Variants in AFDN observed in about 807,000 individuals in gnomAD.
AFDN encodes the protein afadin, adherens junction formation factor.
Under a neutral mutation model 216.6 loss-of-function variants are expected in AFDN, and 68 were observed. The ratio of observed to expected loss-of-function variants is 0.31; its 90% CI spans 0.26 to 0.38. AFDN has a LOEUF of 0.38. Among genes scored for constraint, AFDN ranks in the 10% least tolerant of loss-of-function variants. The pLI is 1.00. For synonymous variants in AFDN, 868 were observed against 853.7 expected, an observed-to-expected ratio of 1.02 and a Z score of -0.29; for missense variants, 2,136 against 2,342.0, an observed-to-expected ratio of 0.91 and a Z score of 1.82.
At chr6:167,934,624 C>A (rs969367196) in intron 23 of AFDN, among the ~76,000 whole-genome samples, 2 of 152,152 alleles carry the variant, frequency 1.3e-5, no homozygotes, top group African/African-American at 2.4e-5. Context: ...AGCCAGAGAA[C>A]CCAGGCTAGG....
intron 6 of AFDN, among the ~76,000 whole-genome samples, chr6:167,884,099 CA>C (rs1294745128): frequency 2.0e-5 from 3 of 152,222 alleles, no homozygotes; most frequent in African/African-American, 7.2e-5. Flanking sequence ...TGCTTATTCA[CA>C]AGAGGCAACT....
intron 23 of AFDN, among the ~76,000 whole-genome samples, chr6:167,941,916 C>T (rs1794734078): frequency 6.6e-6 from 1 of 152,188 alleles, no homozygotes; most frequent in Non-Finnish European, 1.5e-5. Context: ...ACTTAGTTGC[C>T]AGATAATGTA....
chr6:167,899,617 T>A (rs1788695350), intron 11 of AFDN, among the ~76,000 whole-genome samples: 5 of 152,222 alleles, frequency 3.3e-5, no homozygotes, highest in South Asian at 2.1e-4. Context: ...TCATCAGCTT[T>A]TCTTCAGCCC....
At chr6:167,834,462 T>TTG (rs1780187440) in intron 1 of AFDN, among the ~76,000 whole-genome samples, 1 of 142,234 alleles carries the variant, frequency 7.0e-6, no homozygotes, top group Admixed American at 7.0e-5. Flanking sequence ...TTTCGGTTTT[T>TTG]TTTTTTTTTT....
At chr6:167,943,363 C>T in intron 24 of AFDN, 39 bp from the exon 25 acceptor site, 1 of 1,589,502 alleles carries the variant, frequency 6.3e-7, no homozygotes, top group South Asian at 1.1e-5. Context: ...TCTTTGCTCT[C>T]TACCCCTAAT....
At position 167,849,407 on chromosome 6, in the gene AFDN, G is replaced by A. The variant is rs541307619; in HGVS notation, c.106-15144G>A. On this transcript the variant is annotated intron_variant, in intron 1 of 33. Coordinates refer to ENST00000683244, the MANE Select transcript of AFDN (RefSeq NM_001386888.1). Reference sequence around the variant, plus strand: ...CTTGTTTGTTGCCGTTTCTTATTTTGTGTTCAATTATAGCTAGAAATGATA... The same window carrying A: ...CTTGTTTGTTGCCGTTTCTTATTTTATGTTCAATTATAGCTAGAAATGATA... 5.9e-5 allele frequency among the ~76,000 whole-genome samples: 9 copies of A among 152,054 alleles called. No homozygotes were observed. In the East Asian group the frequency reaches 1.7e-3, roughly 29 times the overall value.
intron 29 of AFDN, among the ~76,000 whole-genome samples, chr6:167,949,797 G>T (rs147461844): frequency 6.6e-6 from 1 of 152,262 alleles, no homozygotes; most frequent in East Asian, 1.9e-4. Context: ...CCTGTTGTGT[G>T]GGGCTGGCAT....
intron 8 of AFDN, among the ~76,000 whole-genome samples, chr6:167,892,666 G>T (rs963525706): frequency 5.3e-5 from 8 of 152,156 alleles, no homozygotes; most frequent in African/African-American, 1.7e-4. Flanking sequence ...TTGAATACTT[G>T]TGTGTCATAC....
At chr6:167,899,911 T>C (rs1430711666) in intron 11 of AFDN, among the ~76,000 whole-genome samples, 2 of 152,226 alleles carry the variant, frequency 1.3e-5, no homozygotes, top group African/African-American at 4.8e-5. Context: ...GCAGCCTGTG[T>C]CCCACACCTA....
At position 167,840,329 on chromosome 6, in the gene AFDN, C is replaced by T. The variant is rs142050068; in HGVS notation, c.105+13092C>T. On this transcript the variant is annotated intron_variant, in intron 1 of 33. Transcript: ENST00000683244. ...AGATTGTACTGTTCCTCGTTATTCA[C>T]TGTCCTCCTTGTAAGAGGATTATAT... 2.1e-3 allele frequency among the ~76,000 whole-genome samples: 325 copies of T among 152,358 alleles called. 4 individuals carry two copies. Among genetic ancestry groups the T allele is most frequent in the African/African-American group, 6.9e-3 (287 of 41,578 alleles).
intron 23 of AFDN, among the ~76,000 whole-genome samples, chr6:167,930,575 C>T (rs188269902): frequency 7.2e-5 from 11 of 152,204 alleles, no homozygotes; most frequent in African/African-American, 2.6e-4. Context: ...CAGGGGAAGC[C>T]ATGTGGGGTG....
Position 167,893,855 on chromosome 6 carries a change from A to G in AFDN, c.1178-7A>G, listed in dbSNP as rs748798296. Reference sequence around the variant, plus strand: ...CACCTGGGTCCTGGCATGTGTCTTAACCCCAGGGAGAAGGAATCACTTTGC... The same window carrying G: ...CACCTGGGTCCTGGCATGTGTCTTAGCCCCAGGGAGAAGGAATCACTTTGC... On this transcript the variant is annotated splice_region_variant and splice_polypyrimidine_tract_variant and intron_variant, in intron 8 of 33. Coordinates refer to ENST00000683244, the MANE Select transcript of AFDN (RefSeq NM_001386888.1). 4 of 1,583,640 alleles carry G rather than the reference A, an allele frequency of 2.5e-6. No homozygotes were observed. The highest frequency in any genetic ancestry group is 3.4e-6 in the Non-Finnish European group (4 of 1,162,850).
chr6:167,889,170 TA>T, intron 6 of AFDN, 44 bp from the exon 7 acceptor site: 1 of 1,291,338 alleles, frequency 7.7e-7, no homozygotes, highest in Non-Finnish European at 1.1e-6. Context: ...CTTGTTAACT[TA>T]GTTACTTTGG....
intron 23 of AFDN, among the ~76,000 whole-genome samples, chr6:167,927,908 GAA>G (rs2128533497): frequency 6.6e-6 from 1 of 152,278 alleles, no homozygotes; most frequent in East Asian, 1.9e-4. Context: ...CCATTTTCAG[GAA>G]AAAATCAGAA....
intron 22 of AFDN, among the ~76,000 whole-genome samples, chr6:167,923,923 C>A (rs1007183490): frequency 2.0e-5 from 3 of 152,026 alleles, no homozygotes; most frequent in African/African-American, 7.2e-5. Context: ...CCTCGCCCGG[C>A]CCCTAATACT....
At chr6:167,906,332 T>C (rs754681260) in intron 12 of AFDN, among the ~76,000 whole-genome samples, 14 of 152,198 alleles carry the variant, frequency 9.2e-5, no homozygotes, top group Non-Finnish European at 1.8e-4. Flanking sequence ...TCTGAAAAAG[T>C]GTTTTTTTAT....
chr6:167,962,480 C>A lies in AFDN; in HGVS notation c.4881C>A (p.Arg1627=), dbSNP rs1797134130. The stretch of plus-strand genomic sequence containing the variant: ...GGCAGCAGCAGTTAGAAGAGATGCG[C>A]AAGCGGGAAGCGGAAGACCGAGCGA... The part of the protein sequence containing the change: ...RRRQQQLEEM[R]KREAEDRARQ... The change falls in exon 31 of 34, where the codon CGC becomes CGA. Residue 1627 remains arginine (R), a synonymous_variant. Transcript: ENST00000683244. This position sits in a 1 kb window ranked among gnomAD's most constrained non-coding sequence, Gnocchi z 5.2. The A allele has an allele frequency of 6.2e-7, 1 of 1,613,496 alleles. No homozygotes were observed. Among genetic ancestry groups the A allele is most frequent in the African/African-American group, 1.3e-5 (1 of 74,862 alleles).
Position 167,951,846 on chromosome 6 carries a change from G to C in AFDN, c.4492G>C (p.Glu1498Gln). Residue 1498 changes from glutamate to glutamine, a missense_variant, in exon 30 of 34, where the codon GAG (glutamate) becomes CAG (glutamine). This residue lies in a region of AFDN where 981 missense variants were observed against 966.0 expected (regional missense o/e 1.02). Transcript: ENST00000683244. The surrounding 1 kb of genome is among the most constrained non-coding windows in gnomAD (Gnocchi z 7.1). ...LQPQQQPRTI[E>Q]RRDLQYITVS... ...GCCTCAGCAGCAGCCCCGCACGATC[G>C]AGCGCAGAGACTTGCAGTACATTAC... 3 of 1,614,102 alleles carry C rather than the reference G, an allele frequency of 1.9e-6. No individual in the cohort carries two copies. The highest frequency in any genetic ancestry group is 2.5e-6 in the Non-Finnish European group (3 of 1,180,012).
intron 7 of AFDN, 109 bp downstream of exon 7, chr6:167,889,435 C>CTTGTTG: frequency 1.3e-6 from 1 of 770,586 alleles, no homozygotes; most frequent in Non-Finnish European, 2.1e-6. Context: ...TTTGGATGGC[C>CTTGTTG]TTGTTGTTGT....
Sources: gnomAD v4.1 joint callset for allele counts (sites outside exome capture counted in the v4.1 genomes callset) on GRCh38, gnomAD v4.1.1 for gene constraint, gnomAD v4.1.1 regional missense constraint, Gnocchi (gnomAD v3.1) non-coding constraint, MANE v1.5 for transcripts, NCBI Gene and HGNC (gene_info 2026-07-23, HGNC 2026-07-21) for gene names.